The following ADGRD1 variants were observed in gnomAD, a reference collection of about 807,000 sequenced individuals.
The protein encoded by ADGRD1 is G-protein coupled receptor 133.
In ADGRD1, 77 loss-of-function variants were observed where a neutral mutation model predicts 113.4. That is an observed-to-expected ratio of 0.68 (90% CI 0.57 to 0.82). ADGRD1 has a LOEUF of 0.82. ADGRD1 is among the 40% of genes least tolerant of loss of function. The pLI is 0.00. For missense variants in ADGRD1, 1,036 were observed against 1,139.1 expected, an observed-to-expected ratio of 0.91 and a Z score of 1.30; for synonymous variants, 474 against 475.0, an observed-to-expected ratio of 1.00 and a Z score of 0.03.
At chr12:130,975,884 A>G (rs1872246670) in intron 4 of ADGRD1, among the ~76,000 whole-genome samples, 1 of 152,148 alleles carries the variant, frequency 6.6e-6, no homozygotes. Flanking sequence ...TCTCCTGTGA[A>G]TGGCTTTGGC....
At position 131,057,260 on chromosome 12, in the gene ADGRD1, C is replaced by G. The variant is rs1883948633; in HGVS notation, c.1474-19541C>G. 6.6e-6 allele frequency among the ~76,000 whole-genome samples: 1 copy of G among 152,122 alleles called. No individual in the cohort carries two copies. Among genetic ancestry groups the G allele is most frequent in the Non-Finnish European group, 1.5e-5 (1 of 68,028 alleles). On this transcript the variant is annotated intron_variant, in intron 13 of 24. Coordinates refer to ENST00000261654, the MANE Select transcript of ADGRD1 (RefSeq NM_198827.5). This position sits in a 1 kb window ranked among gnomAD's most constrained non-coding sequence, Gnocchi z 4.2. ...TTTGAGAGAAGCTCTGTGCTTCACCCCTGAAGCTGGGTTGGATGGCATCAG... is the reference window on the plus strand; with the variant it reads ...TTTGAGAGAAGCTCTGTGCTTCACCGCTGAAGCTGGGTTGGATGGCATCAG...
chr12:131,126,138 C>T (rs767433539), intron 20 of ADGRD1, among the ~76,000 whole-genome samples: 4 of 152,158 alleles, frequency 2.6e-5, no homozygotes, highest in African/African-American at 4.8e-5. Flanking sequence ...ATTTCCAGTG[C>T]GACAGGTTCG....
At chr12:130,958,741 A>G (rs1869985902) in intron 2 of ADGRD1, among the ~76,000 whole-genome samples, 1 of 152,226 alleles carries the variant, frequency 6.6e-6, no homozygotes, top group Non-Finnish European at 1.5e-5. Flanking sequence ...ACCAACAGAA[A>G]CAACCTGTTT....
At chr12:131,061,521 T>G (rs1230842366) in intron 13 of ADGRD1, among the ~76,000 whole-genome samples, 20 of 152,256 alleles carry the variant, frequency 1.3e-4, no homozygotes, top group Admixed American at 1.3e-3. Context: ...ATTTAACTGT[T>G]TTTTTAAACT....
chr12:131,051,196 G>A (rs183894294), intron 13 of ADGRD1, among the ~76,000 whole-genome samples: 12 of 152,324 alleles, frequency 7.9e-5, no homozygotes, highest in African/African-American at 4.8e-5. Flanking sequence ...ACAAAGTCTC[G>A]CCCATGTCCC....
intron 13 of ADGRD1, among the ~76,000 whole-genome samples, chr12:131,034,678 GT>G (rs901044656): frequency 6.6e-6 from 1 of 152,230 alleles, no homozygotes; most frequent in Non-Finnish European, 1.5e-5. Context: ...CCATAAACAT[GT>G]TTGTTGAATG....
At chr12:131,125,841 A>C (rs1360333495) in intron 20 of ADGRD1, among the ~76,000 whole-genome samples, 1 of 152,262 alleles carries the variant, frequency 6.6e-6, no homozygotes, top group Non-Finnish European at 1.5e-5. Flanking sequence ...AGAGTTGGGC[A>C]AAATCATCTA....
At chr12:131,002,744 G>A in intron 9 of ADGRD1, 1 of 1,258,084 alleles carries the variant, frequency 7.9e-7, no homozygotes, top group Non-Finnish European at 1.0e-6. Context: ...CTCGGAAGCA[G>A]CCACCCTTCA....
intron 20 of ADGRD1, among the ~76,000 whole-genome samples, chr12:131,130,902 G>A (rs932817263): frequency 6.6e-6 from 1 of 152,252 alleles, no homozygotes; most frequent in African/African-American, 2.4e-5. Flanking sequence ...GTAGAGCCCT[G>A]TTCATTGCCT....
At position 131,011,554 on chromosome 12, in the gene ADGRD1, C is replaced by T. The variant is rs117663666; in HGVS notation, c.1332-2645C>T. Among the ~76,000 whole-genome samples the T allele has an allele frequency of 9.1e-3, 1,388 of 152,154 alleles. 19 individuals are homozygous for T. The highest frequency in any genetic ancestry group is 0.027 in the Middle Eastern group (8 of 294). On this transcript the variant is annotated intron_variant, in intron 12 of 24. Transcript: ENST00000261654. ...GAGCTGGGGAGAGCAGTGAACCAAA[C>T]GGGAAAGCATCCGGGCCCCAGGGGA... is the stretch of plus-strand genomic sequence containing the variant.
chr12:131,021,860 C>T (rs1188406963), intron 13 of ADGRD1, among the ~76,000 whole-genome samples: 1 of 152,176 alleles, frequency 6.6e-6, no homozygotes, highest in Non-Finnish European at 1.5e-5. Context: ...ACATGCATCA[C>T]AATGCCCTGC....
chr12:131,094,775 C>G (rs1362937867), intron 15 of ADGRD1, among the ~76,000 whole-genome samples: 1 of 152,224 alleles, frequency 6.6e-6, no homozygotes, highest in Non-Finnish European at 1.5e-5. Flanking sequence ...TGCATGGGCT[C>G]CTTACCATTC....
chr12:131,038,654 G>A (rs1285922980), intron 13 of ADGRD1, among the ~76,000 whole-genome samples: 3 of 152,202 alleles, frequency 2.0e-5, no homozygotes, highest in Non-Finnish European at 4.4e-5. Flanking sequence ...CCTCATGGCT[G>A]GAGGCAGAGG....
At chr12:131,031,176 C>T (rs879939017) in intron 13 of ADGRD1, among the ~76,000 whole-genome samples, 2 of 152,214 alleles carry the variant, frequency 1.3e-5, no homozygotes, top group African/African-American at 2.4e-5. Context: ...GGGGTCCTGT[C>T]GAAGCTGCTC....
At chr12:131,008,491 A>G (rs988992169) in intron 12 of ADGRD1, among the ~76,000 whole-genome samples, 1 of 152,154 alleles carries the variant, frequency 6.6e-6, no homozygotes, top group African/African-American at 2.4e-5. Context: ...CGTGAGTCTC[A>G]GTGCACAAAG....
At chr12:130,963,543 G>A (rs1388494115) in intron 2 of ADGRD1, among the ~76,000 whole-genome samples, 1 of 152,042 alleles carries the variant, frequency 6.6e-6, no homozygotes, top group African/African-American at 2.4e-5. Context: ...ATAGCTCATA[G>A]TGTACACATT....
chr12:131,095,961 A>C (rs1247665593), intron 15 of ADGRD1, among the ~76,000 whole-genome samples: 2 of 152,082 alleles, frequency 1.3e-5, no homozygotes, highest in Non-Finnish European at 2.9e-5. Flanking sequence ...CAGAAGGCAG[A>C]GTGTGGAAAC....
chr12:130,997,047 C>A (rs1338109813), intron 8 of ADGRD1, among the ~76,000 whole-genome samples: 31 of 132,254 alleles, frequency 2.3e-4, no homozygotes, highest in African/African-American at 8.9e-4. Flanking sequence ...GGGCGGCTGG[C>A]CAGGCAGAGG....
At chr12:131,009,868 G>A (rs1877650382) in intron 12 of ADGRD1, among the ~76,000 whole-genome samples, 2 of 152,214 alleles carry the variant, frequency 1.3e-5, no homozygotes, top group Non-Finnish European at 2.9e-5. Context: ...AGTGAACATG[G>A]CAAATGATAA....
Sources: gnomAD v4.1 joint callset for allele counts (sites outside exome capture counted in the v4.1 genomes callset) on GRCh38, gnomAD v4.1.1 for gene constraint, Gnocchi (gnomAD v3.1) non-coding constraint, MANE v1.5 for transcripts, NCBI Gene and HGNC (gene_info 2026-07-23, HGNC 2026-07-21) for gene names.